Variants in MAP2K5 observed in about 807,000 individuals in gnomAD.
The protein encoded by MAP2K5 is mitogen-activated protein kinase kinase 5, also known as dual specificity mitogen-activated protein kinase kinase 5.
In MAP2K5, 49 loss-of-function variants were observed where a neutral mutation model predicts 83.1. The observed-to-expected ratio is 0.59, with a 90% CI of 0.47 to 0.75. The LOEUF (loss-of-function observed/expected upper bound fraction) is 0.75. MAP2K5 is among the 30% of genes least tolerant of loss of function. MAP2K5 has a pLI of 0.00. For missense variants in MAP2K5, 457 were observed against 557.5 expected (o/e 0.82, Z 1.82); for synonymous variants, 202 against 191.8 (o/e 1.05, Z -0.44).
intron 15 of MAP2K5, among the ~76,000 whole-genome samples, chr15:67,694,114 C>G (rs1272111441): frequency 2.0e-5 from 3 of 152,072 alleles, no homozygotes; most frequent in African/African-American, 4.8e-5. Flanking sequence ...CTGAAATAAA[C>G]TTACCAACAA....
chr15:67,749,936 T>C lies in MAP2K5; in HGVS notation c.1134+1335T>C, dbSNP rs1175784487. 6.6e-6 allele frequency among the ~76,000 whole-genome samples: 1 copy of C among 152,244 alleles called. No individual in the cohort carries two copies. Among genetic ancestry groups the C allele is most frequent in the Non-Finnish European group, 1.5e-5 (1 of 68,050 alleles). On this transcript the variant is annotated intron_variant, in intron 19 of 21. Transcript: ENST00000178640. This position sits in a 1 kb window ranked among gnomAD's most constrained non-coding sequence, Gnocchi z 4.6. ...GCACAGCCTTCTGTGTTTCCTGGGC[T>C]CTACCGTTGGTCTGCCAGGCTCCTA...
At chr15:67,803,207 A>G (rs1415780512) in intron 21 of MAP2K5, among the ~76,000 whole-genome samples, 2 of 152,188 alleles carry the variant, frequency 1.3e-5, no homozygotes, top group East Asian at 3.9e-4. Flanking sequence ...TCACGGATAC[A>G]ATGTGCCTCA....
At chr15:67,714,636 A>G (rs1369569104) in intron 16 of MAP2K5, among the ~76,000 whole-genome samples, 1 of 152,138 alleles carries the variant, frequency 6.6e-6, no homozygotes, top group Non-Finnish European at 1.5e-5. Context: ...TCACTCAAAT[A>G]CTGATATTTT....
chr15:67,639,958 C>T (rs1349485793), intron 9 of MAP2K5, among the ~76,000 whole-genome samples: 1 of 152,194 alleles, frequency 6.6e-6, no homozygotes, highest in Non-Finnish European at 1.5e-5. Flanking sequence ...GTCTATCTCT[C>T]ACTCACTCAT....
At chr15:67,647,100 T>C (rs1281363020) in intron 11 of MAP2K5, among the ~76,000 whole-genome samples, 1 of 152,242 alleles carries the variant, frequency 6.6e-6, no homozygotes, top group African/African-American at 2.4e-5. Flanking sequence ...CTAAGCAGTC[T>C]TTAAATTTTA....
intron 9 of MAP2K5, chr15:67,642,547 G>T (rs1567330319): frequency 9.2e-7 from 1 of 1,084,378 alleles, no homozygotes; most frequent in South Asian, 1.3e-5. Flanking sequence ...CTAAAAGATA[G>T]AACAGGTTTT....
intron 4 of MAP2K5, among the ~76,000 whole-genome samples, chr15:67,581,377 T>C (rs1238606634): frequency 6.6e-6 from 1 of 152,260 alleles, no homozygotes; most frequent in Non-Finnish European, 1.5e-5. Context: ...CTTGGTCAGA[T>C]AATTTTCTTT....
At chr15:67,641,598 C>T in intron 9 of MAP2K5, 1 of 995,674 alleles carries the variant, frequency 1.0e-6, no homozygotes, top group South Asian at 4.7e-5. Flanking sequence ...TTATATTTAA[C>T]TTGACAACTC....
chr15:67,619,537 A>G (rs1002929565), intron 8 of MAP2K5, among the ~76,000 whole-genome samples: 6 of 152,250 alleles, frequency 3.9e-5, no homozygotes, highest in Admixed American at 3.9e-4. Context: ...AGTAATGAAC[A>G]AAATGGACCC....
At position 67,781,707 on chromosome 15, in the gene MAP2K5, G is replaced by GACAAA; in HGVS notation, c.1242+8958_1242+8959insAAACA. On this transcript the variant is annotated intron_variant, in intron 21 of 21. Transcript: ENST00000178640. The surrounding 1 kb of genome is among the most constrained non-coding windows in gnomAD (Gnocchi z 4.0). ...CATTTATTTGTGCAAAAGTTCCCTTGACACAAATGAAAATGGAATTTTCAA... is the reference window on the plus strand; with the variant it reads ...CATTTATTTGTGCAAAAGTTCCCTTGACAAAACACAAATGAAAATGGAATTTTCAA... Among the ~76,000 whole-genome samples the GACAAA allele has an allele frequency of 6.6e-6, 1 of 152,212 alleles. No homozygotes were observed. Among genetic ancestry groups the GACAAA allele is most frequent in the South Asian group, 2.1e-4 (1 of 4,824 alleles).
intron 12 of MAP2K5, among the ~76,000 whole-genome samples, chr15:67,662,266 C>T (rs918356461): frequency 8.5e-5 from 13 of 152,096 alleles, no homozygotes; most frequent in African/African-American, 3.1e-4. Context: ...TGGCTTTCTC[C>T]CATTGCATTT....
chr15:67,686,603 AAATAATAATAATAATAATAAT>A (rs57116318), intron 13 of MAP2K5, among the ~76,000 whole-genome samples: 40,267 of 148,466 alleles, frequency 0.27, 6,151 homozygotes, highest in East Asian at 0.53. Context: ...ACTGTGTCTC[AAATAATAATAATAATAATAAT>A]AATAATAATA....
intron 20 of MAP2K5, among the ~76,000 whole-genome samples, chr15:67,771,854 G>A (rs2090148692): frequency 6.6e-6 from 1 of 152,142 alleles, no homozygotes; most frequent in African/African-American, 2.4e-5. Flanking sequence ...GCATCCGTGT[G>A]ATTTTTCCAA....
rs781766782 is a variant in MAP2K5, at chr15:67,708,710, A to AT, written c.1044+5303dup. Among the ~76,000 whole-genome samples the AT allele has an allele frequency of 9.9e-5, 15 of 152,244 alleles. No individual in the cohort carries two copies. Among genetic ancestry groups the AT allele is most frequent in the East Asian group, 1.9e-4 (1 of 5,180 alleles). ...TCCTCCTGCCCATTGCCTTGTTAAT[A>AT]TGCTGTCACAGCCCCCATGGGGAGT... On this transcript the variant is annotated intron_variant, in intron 16 of 21. Coordinates refer to ENST00000178640, the MANE Select transcript of MAP2K5 (RefSeq NM_145160.3). The surrounding 1 kb of genome is among the most constrained non-coding windows in gnomAD (Gnocchi z 4.9).
intron 13 of MAP2K5, among the ~76,000 whole-genome samples, chr15:67,678,028 T>G (rs1211419663): frequency 6.6e-6 from 1 of 152,222 alleles, no homozygotes; most frequent in African/African-American, 2.4e-5. Context: ...GTCATTAGAA[T>G]AACTTTTATA....
intron 21 of MAP2K5, among the ~76,000 whole-genome samples, chr15:67,776,957 A>G (rs901787726): frequency 2.6e-5 from 4 of 152,250 alleles, no homozygotes; most frequent in African/African-American, 7.2e-5. Flanking sequence ...TCAGAACCCC[A>G]GAAATTACAT....
rs1236420292 is a variant in MAP2K5 at position 67,775,357 on chromosome 15, G to T, written c.1242+2605G>T. ...TGGAAGTATTTTAAAGTTGGACCAA[G>T]AAATTCCTTTACTGCTTACATTTTG... On this transcript the variant is annotated intron_variant, in intron 21 of 21. Coordinates refer to ENST00000178640, the MANE Select transcript of MAP2K5 (RefSeq NM_145160.3). This position sits in a 1 kb window ranked among gnomAD's most constrained non-coding sequence, Gnocchi z 5.3. Among the ~76,000 whole-genome samples, 1 of 152,210 alleles carries T rather than the reference G, an allele frequency of 6.6e-6. No individual in the cohort carries two copies. Among genetic ancestry groups the T allele is most frequent in the Non-Finnish European group, 1.5e-5 (1 of 68,038 alleles).
At chr15:67,660,798 A>G (rs558571088) in intron 12 of MAP2K5, among the ~76,000 whole-genome samples, 2 of 152,068 alleles carry the variant, frequency 1.3e-5, no homozygotes, top group Admixed American at 6.6e-5. Flanking sequence ...CTAATTAGTC[A>G]GTACAAATTT....
intron 19 of MAP2K5, among the ~76,000 whole-genome samples, chr15:67,754,668 A>G (rs1431755005): frequency 6.6e-6 from 1 of 152,212 alleles, no homozygotes; most frequent in Non-Finnish European, 1.5e-5. Flanking sequence ...TGGGCTTTGG[A>G]AATACCTTGA....
Sources: gnomAD v4.1 joint callset for allele counts (sites outside exome capture counted in the v4.1 genomes callset) on GRCh38, gnomAD v4.1.1 for gene constraint, Gnocchi (gnomAD v3.1) non-coding constraint, MANE v1.5 for transcripts, NCBI Gene and HGNC (gene_info 2026-07-23, HGNC 2026-07-21) for gene names.